UBR2: variants seen among roughly 807,000 people sequenced by gnomAD.
The protein encoded by UBR2 is ubiquitin protein ligase E3 component n-recognin 2.
Under a neutral mutation model 247.9 loss-of-function variants are expected in UBR2, and 92 were observed. That is an observed-to-expected ratio of 0.37 (90% CI 0.31 to 0.44). The LOEUF is 0.44. Ranked by LOEUF, UBR2 falls within the 20% of genes least tolerant of loss-of-function variation. The probability of loss-of-function intolerance (pLI) is 1.00; values close to 1 mark genes in which losing one functional copy is unlikely to be tolerated. For missense variants in UBR2, 1,613 were observed against 2,112.6 expected, an observed-to-expected ratio of 0.76 and a Z score of 4.64; for synonymous variants, 672 against 693.5, an observed-to-expected ratio of 0.97 and a Z score of 0.49.
At position 42,564,278 on chromosome 6, in the gene UBR2, C is replaced by T. The variant is rs759857411; in HGVS notation, c.-42C>T. The T allele has an allele frequency of 3.1e-6, 5 of 1,587,320 alleles. No homozygotes were observed. The Admixed American group carries it at 5.5e-5, about 17-fold the overall frequency. On this transcript the variant is annotated 5_prime_UTR_variant, in exon 1 of 47. Coordinates refer to ENST00000372901, the MANE Select transcript of UBR2 (RefSeq NM_001363705.2). ...CGCCGGGGCCGAGGTGAGGCTGCAG[C>T]TCTCCGGGCGGCGGTAGCGCTGGGG...
intron 1 of UBR2, among the ~76,000 whole-genome samples, chr6:42,567,304 G>GCCC (rs1790838514): frequency 2.0e-5 from 3 of 152,064 alleles, no homozygotes; most frequent in Admixed American, 1.3e-4. Context: ...TATTACAGTG[G>GCCC]CCCTCTCTTC....
intron 44 of UBR2, among the ~76,000 whole-genome samples, chr6:42,686,987 CTCACTTCCT>C (rs1393194181): frequency 4.1e-4 from 63 of 151,924 alleles, no homozygotes; most frequent in Admixed American, 2.9e-3. Context: ...AGAGACGCTC[CTCACTTCCT>C]AGACGGGATG....
At chr6:42,620,669 G>C (rs993537815) in intron 11 of UBR2, among the ~76,000 whole-genome samples, 2 of 151,460 alleles carry the variant, frequency 1.3e-5, no homozygotes, top group Non-Finnish European at 2.9e-5. Flanking sequence ...TGGCCAGGCT[G>C]GTCTCAAACT....
At chr6:42,641,887 GAAC>G (rs1216216053) in intron 17 of UBR2, among the ~76,000 whole-genome samples, 195 bp downstream of exon 17, 1 of 152,120 alleles carries the variant, frequency 6.6e-6, no homozygotes, top group Admixed American at 6.5e-5. Context: ...AAGTAGAAAT[GAAC>G]AACAGTGGTC....
chr6:42,688,453 G>C, intron 45 of UBR2, 67 bp downstream of exon 45: 2 of 1,567,442 alleles, frequency 1.3e-6, no homozygotes, highest in Non-Finnish European at 1.7e-6. Flanking sequence ...GGTGTCACAG[G>C]AAACTACTAT....
intron 2 of UBR2, among the ~76,000 whole-genome samples, chr6:42,588,554 A>G (rs1353493803): frequency 3.9e-5 from 6 of 152,064 alleles, no homozygotes; most frequent in Admixed American, 6.5e-5. Context: ...AGTTCCATCT[A>G]CTCGGGAGGC....
At chr6:42,684,675 A>G in intron 43 of UBR2, 119 bp from the exon 44 acceptor site, 1 of 539,104 alleles carries the variant, frequency 1.9e-6, no homozygotes, top group Non-Finnish European at 3.2e-6. Flanking sequence ...CAATAGGTAA[A>G]GTAGTGAAAG....
intron 37 of UBR2, 23 bp from the exon 38 acceptor site, chr6:42,674,103 T>C (rs368237891): frequency 5.3e-4 from 846 of 1,605,204 alleles, no homozygotes; most frequent in Non-Finnish European, 6.9e-4. Context: ...AATATGCTAA[T>C]GTATTTCTCT....
At position 42,584,228 on chromosome 6, in the gene UBR2, T is replaced by G. The variant is rs2151911556; in HGVS notation, c.339-7923T>G. ...TCAGGCTGGTCTCAAACTCCCGACC[T>G]CAGGTGATCTGCCCACCTTGGCCTC... is the stretch of plus-strand genomic sequence containing the variant. On this transcript the variant is annotated intron_variant, in intron 2 of 46. Coordinates refer to ENST00000372901, the MANE Select transcript of UBR2 (RefSeq NM_001363705.2). Among the ~76,000 whole-genome samples the G allele has an allele frequency of 2.6e-5, 4 of 152,254 alleles. No homozygotes were observed. In the South Asian group the frequency reaches 8.3e-4, roughly 32 times the overall value.
At position 42,564,385 on chromosome 6, in the gene UBR2, G is replaced by A; in HGVS notation, c.66G>A (p.Glu22=). The A allele has an allele frequency of 6.8e-6, 11 of 1,610,326 alleles. No individual in the cohort carries two copies. Among genetic ancestry groups the A allele is most frequent in the Non-Finnish European group, 9.3e-6 (11 of 1,178,500 alleles). The part of the protein sequence containing the change: ...IDRSLLECSA[E]EIAGKWLQAT... ...GGAGCTTGCTGGAATGTTCGGCCGA[G>A]GAGATTGCGGGGGTGAGTGCCGGAA... is the stretch of plus-strand genomic sequence containing the variant. Residue 22 remains glutamate, a synonymous_variant, in exon 1 of 47, where the codon GAG becomes GAA. Transcript: ENST00000372901.
chr6:42,618,628 AC>A (rs1359023378), intron 11 of UBR2, among the ~76,000 whole-genome samples: 2 of 152,224 alleles, frequency 1.3e-5, no homozygotes, highest in African/African-American at 4.8e-5. Context: ...TTACATAATT[AC>A]ATTTGTGATT....
At chr6:42,666,712 C>T (rs933086251) in intron 34 of UBR2, among the ~76,000 whole-genome samples, 2 of 152,076 alleles carry the variant, frequency 1.3e-5, no homozygotes, top group African/African-American at 2.4e-5. Flanking sequence ...CCCGCACTTC[C>T]GTCTGACTTC....
Position 42,650,347 on chromosome 6 carries a change from CTTGTATTT to C in UBR2, c.2527_2534del (p.Tyr844SerfsTer22). 6.2e-7 allele frequency: 1 copy of C among 1,613,992 alleles called. No individual in the cohort carries two copies. On this transcript the variant is annotated frameshift_variant, in exon 23 of 47. Transcript: ENST00000372901. LOFTEE classifies it high-confidence loss of function. ...AACCAGAATGTGCCAAAGAGTTCAA[CTTGTATTT>C]CTATCACTTTTCAAGGGCAGAACAG...
At chr6:42,634,809 A>G (rs748167537) in intron 13 of UBR2, among the ~76,000 whole-genome samples, 1 of 152,184 alleles carries the variant, frequency 6.6e-6, no homozygotes, top group East Asian at 1.9e-4. Context: ...GTTTATTATA[A>G]TACTACTATG....
At chr6:42,564,900 A>G (rs1041339774) in intron 1 of UBR2, among the ~76,000 whole-genome samples, 39 of 151,178 alleles carry the variant, frequency 2.6e-4, no homozygotes, top group African/African-American at 8.7e-4. Flanking sequence ...AAGGCAAACG[A>G]CACTACCCTT....
intron 44 of UBR2, among the ~76,000 whole-genome samples, chr6:42,685,771 G>A (rs942340079): frequency 6.6e-6 from 1 of 151,854 alleles, no homozygotes; most frequent in East Asian, 1.9e-4. Context: ...ATATAATAGG[G>A]GAGGCTGAGG....
intron 2 of UBR2, among the ~76,000 whole-genome samples, chr6:42,579,533 C>CT (rs1234843063): frequency 6.6e-6 from 1 of 152,140 alleles, no homozygotes; most frequent in Admixed American, 6.5e-5. Flanking sequence ...TTGGTTATTT[C>CT]TTTTTTTGAG....
chr6:42,652,526 CTGTT>C lies in UBR2; in HGVS notation c.2653_2656del (p.Phe885GlnfsTer42). On this transcript the variant is annotated frameshift_variant, in exon 25 of 47. Coordinates refer to ENST00000372901, the MANE Select transcript of UBR2 (RefSeq NM_001363705.2). LOFTEE classifies it high-confidence loss of function. ...TCCGGTGTTGCCTCCATTCTGCCCT[CTGTT>C]TGCAAGCCTGGTTAACATTTTGCAG... The C allele has an allele frequency of 6.2e-7, 1 of 1,612,046 alleles. No individual in the cohort carries two copies. The highest frequency in any genetic ancestry group is 8.5e-7 in the Non-Finnish European group (1 of 1,179,618).
Position 42,670,222 on chromosome 6 carries a change from T to C in UBR2, c.4012T>C (p.Tyr1338His). 6.2e-7 allele frequency: 1 copy of C among 1,614,124 alleles called. No individual in the cohort carries two copies. The highest frequency in any genetic ancestry group is 8.5e-7 in the Non-Finnish European group (1 of 1,179,948). ...VPIMCWGSCA[Y>H]TIQSIERILS... ...CATAATGTGTTGGGGTAGCTGCGCG[T>C]ACACCATCCAAAGCATAGGTAAGAG... The change falls in exon 35 of 47, where the codon TAC (tyrosine) becomes CAC (histidine). Residue 1338 changes from tyrosine (Y) to histidine (H), a missense_variant. This residue lies in a region of UBR2 where 1,524 missense variants were observed against 1,967.3 expected (regional missense o/e 0.77). Coordinates refer to ENST00000372901, the MANE Select transcript of UBR2 (RefSeq NM_001363705.2).
Sources: allele counts gnomAD v4.1 joint callset (sites outside exome capture counted in the v4.1 genomes callset), GRCh38; gene constraint gnomAD v4.1.1; regional missense constraint gnomAD v4.1.1; transcripts MANE v1.5; gene names NCBI Gene and HGNC (gene_info 2026-07-23, HGNC 2026-07-21).